Variants in RAB5A observed in about 807,000 individuals in gnomAD.
The protein encoded by RAB5A is ras-related protein Rab-5A.
RAB5A carries 8 observed loss-of-function variants against 25.7 expected under a neutral mutation model. The observed-to-expected ratio is 0.31, with a 90% confidence interval of 0.18 to 0.56. The LOEUF is 0.56. Ranked by LOEUF, RAB5A falls within the 20% of genes least tolerant of loss-of-function variation. The pLI is 0.91. For synonymous variants in RAB5A, 98 were observed against 89.8 expected (o/e 1.09, Z -0.52); for missense variants, 192 against 259.7 (o/e 0.74, Z 1.79).
intron 1 of RAB5A, among the ~76,000 whole-genome samples, chr3:19,949,206 A>T (rs569039411): frequency 1.3e-5 from 2 of 152,212 alleles, no homozygotes; most frequent in Non-Finnish European, 2.9e-5. Context: ...TATTACGTCA[A>T]TAAATCTGTA....
intron 2 of RAB5A, among the ~76,000 whole-genome samples, chr3:19,958,527 A>C (rs912078226): frequency 5.3e-5 from 8 of 152,204 alleles, no homozygotes; most frequent in African/African-American, 1.9e-4. Flanking sequence ...CATTTGTAAC[A>C]CGAGAGTATT....
rs781710069 is a variant in RAB5A, at chr3:19,950,862, A to G, written c.-37A>G. The G allele has an allele frequency of 1.3e-6, 2 of 1,582,752 alleles. No individual in the cohort carries two copies. The highest frequency in any genetic ancestry group is 1.1e-5 in the South Asian group (1 of 87,564). Reference sequence around the variant, plus strand: ...CCCCTTGAATTCTGGAAGTTCATTGAAGAGTCTGAAATTAGGGACTTATTT... The same window carrying G: ...CCCCTTGAATTCTGGAAGTTCATTGGAGAGTCTGAAATTAGGGACTTATTT... On this transcript the variant is annotated 5_prime_UTR_variant, in exon 2 of 6. Transcript: ENST00000273047.
chr3:19,978,680 C>T, intron 5 of RAB5A: 1 of 238,408 alleles, frequency 4.2e-6, no homozygotes, highest in Non-Finnish European at 8.1e-6. Flanking sequence ...TAAGCCTTAA[C>T]CTCTTAACCT....
chr3:19,981,163 G>A (rs1559493691), intron 5 of RAB5A, among the ~76,000 whole-genome samples: 1 of 152,070 alleles, frequency 6.6e-6, no homozygotes, highest in African/African-American at 2.4e-5. Context: ...GCACATCAAG[G>A]ATCTTATGTA....
At chr3:19,980,225 C>A (rs933084908) in intron 5 of RAB5A, 2 of 152,174 alleles carry the variant, frequency 1.3e-5, no homozygotes, top group Non-Finnish European at 2.9e-5. Context: ...AATCAGCCTG[C>A]ACTGTAAACC....
intron 2 of RAB5A, among the ~76,000 whole-genome samples, chr3:19,968,469 T>A (rs1023110247): frequency 8.5e-5 from 13 of 152,204 alleles, no homozygotes; most frequent in African/African-American, 2.9e-4. Flanking sequence ...TTACTTTACT[T>A]CTGATTCTTT....
chr3:19,973,828 T>C (rs13091127), intron 2 of RAB5A, among the ~76,000 whole-genome samples: 1 of 152,232 alleles, frequency 6.6e-6, no homozygotes, highest in Non-Finnish European at 1.5e-5. Context: ...ATAAATGTTG[T>C]GTCTAACGTA....
chr3:19,956,508 C>CCCT (rs1351279870), intron 2 of RAB5A, among the ~76,000 whole-genome samples: 1 of 152,196 alleles, frequency 6.6e-6, no homozygotes, highest in Non-Finnish European at 1.5e-5. Flanking sequence ...GCTGTTTCTA[C>CCCT]TTACATATTT....
chr3:19,950,250 A>G (rs911558134), intron 1 of RAB5A, among the ~76,000 whole-genome samples: 2 of 152,210 alleles, frequency 1.3e-5, no homozygotes, highest in Non-Finnish European at 2.9e-5. Flanking sequence ...TTGTTGTCCA[A>G]AATTACCATT....
At chr3:19,958,161 A>G (rs1696532292) in intron 2 of RAB5A, among the ~76,000 whole-genome samples, 1 of 152,222 alleles carries the variant, frequency 6.6e-6, no homozygotes, top group African/African-American at 2.4e-5. Flanking sequence ...TCGTGAGAAA[A>G]ATTGTGTGTT....
chr3:19,983,821 T>C lies in RAB5A; in HGVS notation c.646T>C (p.Ter216GlnextTer6), dbSNP rs758032572. 1.3e-6 allele frequency: 2 copies of C among 1,582,656 alleles called. No homozygotes were observed. Among genetic ancestry groups the C allele is most frequent in the Non-Finnish European group, 1.7e-6 (2 of 1,152,996 alleles). ...AACCAGGAATCAGTGTTGTAGTAACTAAACCTCTAGTTTGAACTAGCTGGA... is the reference window on the plus strand; with the variant it reads ...AACCAGGAATCAGTGTTGTAGTAACCAAACCTCTAGTTTGAACTAGCTGGA... ...QPTRNQCCSN[*>Q] Residue 216 changes from the stop codon to glutamine, a stop_lost, in exon 6 of 6, where the codon TAA becomes CAA. Coordinates refer to ENST00000273047, the MANE Select transcript of RAB5A (RefSeq NM_004162.5).
rs748433119 is a variant in RAB5A, at chr3:19,956,946, C to CTTTT, written c.163+5899_163+5902dup. ...TTTGAAAAATTTTGTGTTTTTTTTC[C>CTTTT]TTTTTTTTTTTTTTTTTAAACAGCC... On this transcript the variant is annotated intron_variant, in intron 2 of 5. Coordinates refer to ENST00000273047, the MANE Select transcript of RAB5A (RefSeq NM_004162.5). Among the ~76,000 whole-genome samples, 154 of 135,228 alleles carry CTTTT rather than the reference C, an allele frequency of 1.1e-3. 1 individual carries two copies. The highest frequency in any genetic ancestry group is 2.1e-3 in the Non-Finnish European group (135 of 63,386). 88.7% of individuals were successfully genotyped at this position (135,228 alleles called of 152,430 possible).
intron 2 of RAB5A, among the ~76,000 whole-genome samples, chr3:19,957,999 C>T (rs1312228554): frequency 6.6e-6 from 1 of 152,206 alleles, no homozygotes; most frequent in African/African-American, 2.4e-5. Flanking sequence ...TTGCCCTTCA[C>T]TTGTTAGCCT....
chr3:19,971,222 A>G (rs1245889107), intron 2 of RAB5A, among the ~76,000 whole-genome samples: 1 of 149,332 alleles, frequency 6.7e-6, no homozygotes, highest in Non-Finnish European at 1.5e-5. Flanking sequence ...AAAACACTAT[A>G]GTAGTATTTT....
At chr3:19,969,045 G>GTTTTTTTTTTTTTTTTTTTTTTGTTT (rs386396075) in intron 2 of RAB5A, among the ~76,000 whole-genome samples, 1 of 103,448 alleles carries the variant, frequency 9.7e-6, no homozygotes, top group Non-Finnish European at 1.7e-5. Flanking sequence ...TTTTTTTTTG[G>GTTTTTTTTTTTTTTTTTTTTTTGTTT]TTTTTTTTTT....
At chr3:19,963,437 C>T (rs1696619857) in intron 2 of RAB5A, among the ~76,000 whole-genome samples, 1 of 129,412 alleles carries the variant, frequency 7.7e-6, no homozygotes, top group South Asian at 2.6e-4. Context: ...GGAATTTTAT[C>T]CTAATAAAAT....
chr3:19,983,292 C>T (rs1055537015), intron 5 of RAB5A, among the ~76,000 whole-genome samples: 2 of 148,472 alleles, frequency 1.3e-5, no homozygotes, highest in Admixed American at 6.8e-5. Context: ...ACTGAGATCA[C>T]GCCATTGCAC....
Position 19,957,831 on chromosome 3 carries a change from T to C in RAB5A, c.163+6770T>C, listed in dbSNP as rs1300309576. On this transcript the variant is annotated intron_variant, in intron 2 of 5. Coordinates refer to ENST00000273047, the MANE Select transcript of RAB5A (RefSeq NM_004162.5). ...CATGTATCAAAACATCATGTTAATA[T>C]ACATATGTATATATTGTAAATACAT... 3.3e-5 allele frequency among the ~76,000 whole-genome samples: 5 copies of C among 152,274 alleles called. No individual in the cohort carries two copies. The East Asian group carries it at 7.7e-4, about 23-fold the overall frequency.
At chr3:19,970,648 G>T in intron 2 of RAB5A, 2 of 452,732 alleles carry the variant, frequency 4.4e-6, no homozygotes, top group Non-Finnish European at 8.9e-6. Context: ...AAATGAAGCG[G>T]TCTAAGAGTG....
Sources: allele counts gnomAD v4.1 joint callset (sites outside exome capture counted in the v4.1 genomes callset), GRCh38; gene constraint gnomAD v4.1.1; transcripts MANE v1.5; gene names NCBI Gene and HGNC (gene_info 2026-07-23, HGNC 2026-07-21).